The following CDH12 variants were observed in gnomAD, a reference collection of about 807,000 sequenced individuals.
The protein encoded by CDH12 is cadherin 12.
CDH12 carries 41 observed loss-of-function variants against 74.1 expected under a neutral mutation model. That is an observed-to-expected ratio of 0.55 (90% confidence interval 0.43 to 0.72). CDH12 has a LOEUF of 0.72. CDH12 is among the 30% of genes least tolerant of loss of function. CDH12 has a pLI of 0.00. For synonymous variants in CDH12, 399 were observed against 355.0 expected (o/e 1.12, Z -1.39); for missense variants, 945 against 977.2 (o/e 0.97, Z 0.44).
chr5:22,817,547 G>T (rs1749453435), intron 1 of CDH12, among the ~76,000 whole-genome samples: 1 of 151,982 alleles, frequency 6.6e-6, no homozygotes, highest in Non-Finnish European at 1.5e-5. Flanking sequence ...GATAATTATA[G>T]TTATACACAT....
At chr5:22,189,524 C>G (rs962781507) in intron 4 of CDH12, among the ~76,000 whole-genome samples, 2 of 151,580 alleles carry the variant, frequency 1.3e-5, no homozygotes, top group African/African-American at 4.8e-5. Context: ...ATCAGGAGAT[C>G]TATTATTTTA....
intron 4 of CDH12, among the ~76,000 whole-genome samples, chr5:22,091,940 AT>A (rs1427092343): frequency 6.6e-6 from 1 of 151,294 alleles, no homozygotes; most frequent in Non-Finnish European, 1.5e-5. Flanking sequence ...GCAGTGGAGG[AT>A]TAAATTAGTC....
At chr5:22,454,437 T>C (rs1347892434) in intron 2 of CDH12, among the ~76,000 whole-genome samples, 3 of 152,158 alleles carry the variant, frequency 2.0e-5, no homozygotes, top group Non-Finnish European at 4.4e-5. Context: ...CTCAGGCTGC[T>C]GTATCAAGAC....
At chr5:21,873,743 T>G (rs1334416928) in intron 6 of CDH12, among the ~76,000 whole-genome samples, 2 of 152,168 alleles carry the variant, frequency 1.3e-5, no homozygotes, top group African/African-American at 4.8e-5. Context: ...ACCTAGGTAT[T>G]TAGCCCAACA....
At chr5:21,986,347 G>A (rs1176108903) in intron 5 of CDH12, among the ~76,000 whole-genome samples, 2 of 152,030 alleles carry the variant, frequency 1.3e-5, no homozygotes, top group Non-Finnish European at 2.9e-5. Context: ...TGCCTTCATG[G>A]CTACATATAA....
intron 2 of CDH12, among the ~76,000 whole-genome samples, chr5:22,504,516 T>C (rs1431866115): frequency 3.9e-5 from 6 of 152,118 alleles, no homozygotes; most frequent in Non-Finnish European, 8.8e-5. Flanking sequence ...TGAGTTGTTA[T>C]ATCAATGGTT....
intron 2 of CDH12, among the ~76,000 whole-genome samples, chr5:22,478,618 T>C (rs939550732): frequency 1.3e-5 from 2 of 151,898 alleles, no homozygotes; most frequent in African/African-American, 4.8e-5. Flanking sequence ...GAGCAAATGT[T>C]TTATGATGGT....
At chr5:22,797,539 A>T (rs187075125) in intron 1 of CDH12, among the ~76,000 whole-genome samples, 20 of 152,338 alleles carry the variant, frequency 1.3e-4, no homozygotes, top group African/African-American at 4.6e-4. Context: ...GGACTTAGAT[A>T]TATTATAAAT....
At chr5:22,678,843 C>A (rs7727355) in intron 1 of CDH12, among the ~76,000 whole-genome samples, 1 of 151,802 alleles carries the variant, frequency 6.6e-6, no homozygotes, top group East Asian at 1.9e-4. Flanking sequence ...CTCCTTACCT[C>A]GTTTGATTCT....
At chr5:22,750,319 A>G (rs1338406839) in intron 1 of CDH12, among the ~76,000 whole-genome samples, 1 of 152,182 alleles carries the variant, frequency 6.6e-6, no homozygotes, top group Non-Finnish European at 1.5e-5. Context: ...AATTGGGCTT[A>G]TAACTATAGG....
At chr5:22,269,320 T>C (rs1736278815) in intron 3 of CDH12, among the ~76,000 whole-genome samples, 1 of 152,136 alleles carries the variant, frequency 6.6e-6, no homozygotes, top group Non-Finnish European at 1.5e-5. Flanking sequence ...CAAAATCCAT[T>C]GTTATCAGTA....
At chr5:21,894,254 C>A (rs952033053) in intron 6 of CDH12, among the ~76,000 whole-genome samples, 2 of 151,944 alleles carry the variant, frequency 1.3e-5, no homozygotes, top group Admixed American at 6.6e-5. Context: ...TGGCATGAGC[C>A]TGTAGTCCCA....
chr5:21,915,915 A>G (rs1754070958), intron 6 of CDH12, among the ~76,000 whole-genome samples: 1 of 149,154 alleles, frequency 6.7e-6, no homozygotes. Flanking sequence ...AAAAAAATAA[A>G]AGACCTAGAG....
chr5:22,278,078 G>A (rs1284885521), intron 3 of CDH12: 3 of 152,134 alleles, frequency 2.0e-5, no homozygotes, highest in African/African-American at 4.8e-5. Flanking sequence ...TGAGAAGAAA[G>A]GCTTTTATTG....
chr5:22,197,389 G>T (rs1342286587), intron 4 of CDH12, among the ~76,000 whole-genome samples: 2 of 152,156 alleles, frequency 1.3e-5, no homozygotes, highest in Non-Finnish European at 2.9e-5. Context: ...CGAGCTTGCA[G>T]TGAGCCAAGA....
chr5:21,814,142 A>AGT (rs59666017), intron 9 of CDH12, among the ~76,000 whole-genome samples: 10,669 of 145,392 alleles, frequency 0.073, 498 homozygotes, highest in East Asian at 0.27. Context: ...AGGAGAAATG[A>AGT]GTGTGTGTGT....
intron 3 of CDH12, among the ~76,000 whole-genome samples, chr5:22,400,096 A>G (rs1210927904): frequency 1.3e-5 from 2 of 152,170 alleles, no homozygotes; most frequent in Non-Finnish European, 2.9e-5. Context: ...CATCAGTAAC[A>G]TATACTTCCC....
chr5:22,384,857 T>G (rs1741932660), intron 3 of CDH12, among the ~76,000 whole-genome samples: 1 of 152,224 alleles, frequency 6.6e-6, no homozygotes, highest in African/African-American at 2.4e-5. Context: ...GTCTTTCAGT[T>G]AATACAAGCC....
chr5:21,767,401 T>C (rs913584906), intron 11 of CDH12, among the ~76,000 whole-genome samples: 1 of 151,744 alleles, frequency 6.6e-6, no homozygotes, highest in Admixed American at 6.6e-5. Context: ...AATTATTTTC[T>C]AACCTACAAA....
Sources: gnomAD v4.1 joint callset for allele counts (sites outside exome capture counted in the v4.1 genomes callset) on GRCh38, gnomAD v4.1.1 for gene constraint, MANE v1.5 for transcripts, NCBI Gene and HGNC (gene_info 2026-07-23, HGNC 2026-07-21) for gene names.